PCDHA3: variants seen among roughly 807,000 people sequenced by gnomAD.
PCDHA3 encodes the protein protocadherin alpha-3.
A neutral mutation model predicts 62.2 loss-of-function variants in PCDHA3; 41 were observed. That is an observed-to-expected ratio of 0.66 (90% CI 0.51 to 0.86). The LOEUF (loss-of-function observed/expected upper bound fraction) is 0.86, where lower values mean the gene tolerates loss of function less well. Ranked by LOEUF, PCDHA3 falls within the 40% of genes least tolerant of loss-of-function variation. The pLI, the probability that PCDHA3 is intolerant of heterozygous loss-of-function variation, is 0.00. For missense variants in PCDHA3, 1,304 were observed against 1,241.2 expected (o/e 1.05, Z -0.76); for synonymous variants, 640 against 555.4 (o/e 1.15, Z -2.14).
chr5:140,963,109 T>G (rs1490746394), intron 1 of PCDHA3, among the ~76,000 whole-genome samples: 1 of 152,128 alleles, frequency 6.6e-6, no homozygotes, highest in Non-Finnish European at 1.5e-5. Context: ...TCAGGTTGCT[T>G]ATAATTAAAG....
At chr5:140,834,590 A>T in intron 1 of PCDHA3, 3 of 1,614,104 alleles carry the variant, frequency 1.9e-6, no homozygotes, top group Non-Finnish European at 2.5e-6. Context: ...CGGTGTGCAA[A>T]TTCCGTGGGG....
intron 1 of PCDHA3, among the ~76,000 whole-genome samples, chr5:140,886,827 G>GA (rs782016620): frequency 0.032 from 1,958 of 60,672 alleles, 33 homozygotes; most frequent in African/African-American, 0.049. Context: ...ACTTCGTCTT[G>GA]AAAAAAAAAA....
At position 140,856,318 on chromosome 5, in the gene PCDHA3, C is replaced by T. The variant is rs200204071; in HGVS notation, c.2394+52727C>T. 8.1e-6 allele frequency: 13 copies of T among 1,598,576 alleles called. 2 individuals are homozygous for T. The African/African-American group carries it at 1.7e-4, about 21-fold the overall frequency. On this transcript the variant is annotated intron_variant, in intron 1 of 3. Transcript: ENST00000522353. ...TTTTGTTTGTGAATTCTCGGATTGACCGCGAGGAGCTGTGCGGGCGGAGCG... is the reference window on the plus strand; with the variant it reads ...TTTTGTTTGTGAATTCTCGGATTGATCGCGAGGAGCTGTGCGGGCGGAGCG...
chr5:140,802,848 C>T lies in PCDHA3; in HGVS notation c.1651C>T (p.Leu551=). The T allele has an allele frequency of 6.2e-7, 1 of 1,613,536 alleles. No homozygotes were observed. The highest frequency in any genetic ancestry group is 1.1e-5 in the South Asian group (1 of 91,070). The change falls in exon 1 of 4, where the codon CTG becomes TTG. Residue 551 remains leucine (L), a synonymous_variant. Transcript: ENST00000522353. ...GCCGCCTCTGGGCAGCAACGTGACG[C>T]TGCAGGTGTTCGTGCTGGACGAGAA... ...GVPPLGSNVT[L]QVFVLDENDN... is the part of the protein sequence containing the mutation.
chr5:141,005,821 C>T (rs557161446), intron 3 of PCDHA3, among the ~76,000 whole-genome samples: 1 of 150,884 alleles, frequency 6.6e-6, no homozygotes, highest in African/African-American at 2.4e-5. Context: ...GGTATGGTGG[C>T]CTGTAGTCCC....
At chr5:140,951,767 G>A (rs561938687) in intron 1 of PCDHA3, among the ~76,000 whole-genome samples, 2 of 152,160 alleles carry the variant, frequency 1.3e-5, no homozygotes, top group South Asian at 2.1e-4. Context: ...ATCTCATGAC[G>A]TTCTTACATT....
intron 1 of PCDHA3, chr5:140,883,466 A>T: frequency 6.2e-7 from 1 of 1,614,128 alleles, no homozygotes; most frequent in Non-Finnish European, 8.5e-7. Flanking sequence ...GCTGGTGTCC[A>T]CCTACAAGAA....
chr5:140,807,291 T>G (rs1470270680), intron 1 of PCDHA3: 1 of 1,614,080 alleles, frequency 6.2e-7, no homozygotes, highest in Admixed American at 1.7e-5. Context: ...CACTACTCGG[T>G]CTCCGAGGAG....
intron 1 of PCDHA3, among the ~76,000 whole-genome samples, chr5:140,934,036 G>T (rs181745303): frequency 2.9e-4 from 44 of 151,956 alleles, no homozygotes; most frequent in African/African-American, 1.0e-3. Context: ...GTTTATTAAT[G>T]ATATTAGTCT....
intron 1 of PCDHA3, chr5:140,930,385 C>T (rs1335168502): frequency 6.6e-6 from 1 of 151,798 alleles, no homozygotes; most frequent in Non-Finnish European, 1.5e-5. Flanking sequence ...CTTGGCATTT[C>T]AAAACTTCTT....
chr5:140,803,475 TC>T lies in PCDHA3; in HGVS notation c.2279del (p.Ser760LeufsTer53). 1.2e-6 allele frequency: 2 copies of T among 1,614,154 alleles called. No individual in the cohort carries two copies. Among genetic ancestry groups the T allele is most frequent in the Non-Finnish European group, 1.7e-6 (2 of 1,180,034 alleles). On this transcript the variant is annotated frameshift_variant, in exon 1 of 4. Coordinates refer to ENST00000522353, the MANE Select transcript of PCDHA3 (RefSeq NM_018906.3). LOFTEE classifies it high-confidence loss of function. ...GCAGCAGAGGCAGCAGAGGGTGTGCTCTGGAGAGGGGTTGCCCAAGACCGAC... is the reference window on the plus strand; with the variant it reads ...GCAGCAGAGGCAGCAGAGGGTGTGCTTGGAGAGGGGTTGCCCAAGACCGAC... Reference protein sequence around the residue: ...YSQQRQQRVCSGEGLPKTDLM... With the variant: ...YSQQRQQRVCXGEGLPKTDLM...
intron 1 of PCDHA3, among the ~76,000 whole-genome samples, chr5:140,974,548 G>A (rs2096631054): frequency 6.6e-6 from 1 of 152,068 alleles, no homozygotes; most frequent in South Asian, 2.1e-4. Context: ...TTTTGCTCTT[G>A]TTGCCCAGGC....
At chr5:140,892,363 G>T (rs1485881453) in intron 1 of PCDHA3, among the ~76,000 whole-genome samples, 1 of 152,120 alleles carries the variant, frequency 6.6e-6, no homozygotes, top group African/African-American at 2.4e-5. Context: ...CAGGCATCTT[G>T]GGGCACTAGC....
chr5:140,883,226 G>A, intron 1 of PCDHA3: 2 of 1,613,938 alleles, frequency 1.2e-6, no homozygotes, highest in South Asian at 1.1e-5. Flanking sequence ...TGAAATATCC[G>A]TGGAGGCAGT....
intron 1 of PCDHA3, chr5:140,858,722 C>T: frequency 2.0e-6 from 1 of 497,160 alleles, no homozygotes. Context: ...GGTTGCAGTT[C>T]TGACGATTTA....
intron 1 of PCDHA3, among the ~76,000 whole-genome samples, chr5:140,937,150 G>A (rs2153631833): frequency 6.7e-6 from 1 of 149,812 alleles, no homozygotes; most frequent in East Asian, 2.0e-4. Context: ...CCATTCTCCT[G>A]CCTCAGCCTC....
At chr5:140,873,064 T>A (rs1554166548) in intron 1 of PCDHA3, among the ~76,000 whole-genome samples, 1 of 152,186 alleles carries the variant, frequency 6.6e-6, no homozygotes, top group Non-Finnish European at 1.5e-5. Context: ...TTCTTGAGAA[T>A]CATATCTAGC....
At chr5:140,875,844 G>A in intron 1 of PCDHA3, 1 of 1,614,178 alleles carries the variant, frequency 6.2e-7, no homozygotes, top group Non-Finnish European at 8.5e-7. Flanking sequence ...TGGAGGTGAA[G>A]GACATTAACG....
intron 1 of PCDHA3, among the ~76,000 whole-genome samples, chr5:140,887,995 G>A (rs537858803): frequency 8.5e-5 from 13 of 152,066 alleles, no homozygotes; most frequent in South Asian, 6.2e-4. Context: ...TGTCTCCACC[G>A]AATAGTCATC....
Sources: gnomAD v4.1 joint callset for allele counts (sites outside exome capture counted in the v4.1 genomes callset) on GRCh38, gnomAD v4.1.1 for gene constraint, MANE v1.5 for transcripts, NCBI Gene and HGNC (gene_info 2026-07-23, HGNC 2026-07-21) for gene names.